ITGA9: variants seen among roughly 807,000 people sequenced by gnomAD.
The protein encoded by ITGA9 is integrin alpha-9.
Under a neutral mutation model 127.8 loss-of-function variants are expected in ITGA9, and 56 were observed. The ratio of observed to expected loss-of-function variants is 0.44; its 90% CI spans 0.35 to 0.55. The LOEUF is 0.55. Ranked by LOEUF, ITGA9 falls within the 20% of genes least tolerant of loss-of-function variation. The pLI is 0.00. For synonymous variants in ITGA9, 508 were observed against 514.5 expected, an observed-to-expected ratio of 0.99 and a Z score of 0.17; for missense variants, 1,196 against 1,347.1, an observed-to-expected ratio of 0.89 and a Z score of 1.76.
At chr3:37,807,870 C>T (rs1232783087) in intron 27 of ITGA9, 1 of 152,246 alleles carries the variant, frequency 6.6e-6, no homozygotes, top group Non-Finnish European at 1.5e-5. Flanking sequence ...GAATAGCTGT[C>T]TCTCCTTAAG....
intron 15 of ITGA9, among the ~76,000 whole-genome samples, chr3:37,623,522 C>T (rs1366900831): frequency 6.6e-6 from 1 of 152,244 alleles, no homozygotes; most frequent in African/African-American, 2.4e-5. Context: ...CCTCCACATT[C>T]TTTCCTTCTC....
intron 15 of ITGA9, among the ~76,000 whole-genome samples, chr3:37,551,592 T>A (rs1559534588): frequency 6.6e-6 from 1 of 152,226 alleles, no homozygotes; most frequent in East Asian, 1.9e-4. Context: ...GTGTCACTAT[T>A]CTTTCCTTTG....
In ITGA9 at chr3:37,577,057, G is replaced by A. The variant is rs377670854; in HGVS notation, c.1689+34472G>A. ...CCCCTCAGGACCCATCCTTGGGGTC[G>A]TCCAGTCCTTGGGCTCTGTTCCTCT... On this transcript the variant is annotated intron_variant, in intron 15 of 27. Transcript: ENST00000264741. Among the ~76,000 whole-genome samples the A allele has an allele frequency of 3.5e-3, 537 of 152,336 alleles. 2 individuals carry two copies. Among genetic ancestry groups the A allele is most frequent in the Middle Eastern group, 0.017 (5 of 294 alleles).
chr3:37,717,938 T>G (rs2125682065), intron 18 of ITGA9, among the ~76,000 whole-genome samples: 1 of 152,280 alleles, frequency 6.6e-6, no homozygotes, highest in East Asian at 1.9e-4. Flanking sequence ...GGGGTGGGAA[T>G]GGGGACAGCC....
chr3:37,662,116 CA>C (rs1017413455), intron 17 of ITGA9, among the ~76,000 whole-genome samples: 9 of 152,168 alleles, frequency 5.9e-5, no homozygotes, highest in Non-Finnish European at 1.3e-4. Context: ...AGAATACAGC[CA>C]GGGGGCCAGG....
At position 37,629,494 on chromosome 3, in the gene ITGA9, GATAAA is replaced by G. The variant is rs147632699; in HGVS notation, c.1839+164_1839+168del. 141,806 of 760,298 alleles carry G rather than the reference GATAAA, an allele frequency of 0.19. 13,798 individuals carry two copies. Among genetic ancestry groups the G allele is most frequent in the East Asian group, 0.22 (8,158 of 37,398 alleles). 47.1% of individuals were successfully genotyped at this position (760,298 alleles called of 1,614,324 possible). Reference sequence around the variant, plus strand: ...GTCTCCCTTTTCTGATCTGCAAAATGATAAAATAAACAGTCTTAGGGGTTACTTGT... The same window carrying G: ...GTCTCCCTTTTCTGATCTGCAAAATGATAAACAGTCTTAGGGGTTACTTGT... On this transcript the variant is annotated intron_variant, in intron 16 of 27. Transcript: ENST00000264741. This position sits in a 1 kb window ranked among gnomAD's most constrained non-coding sequence, Gnocchi z 4.5.
At position 37,523,429 on chromosome 3, in the gene ITGA9, G is replaced by A. The variant is rs1699063738; in HGVS notation, c.1237-92G>A. 6 of 975,348 alleles carry A rather than the reference G, an allele frequency of 6.2e-6. No individual in the cohort carries two copies. The South Asian group carries it at 7.8e-5, about 13-fold the overall frequency. 60.4% of individuals were successfully genotyped at this position (975,348 alleles called of 1,614,324 possible). On this transcript the variant is annotated intron_variant, in intron 11 of 27. Transcript: ENST00000264741. ...TTTCTTTCAACAACTTTAAGACCAA[G>A]TGTCCTAGGGAAGCTGGAATAAAGC...
intron 18 of ITGA9, among the ~76,000 whole-genome samples, chr3:37,708,695 G>T (rs374866588): frequency 3.1e-4 from 2 of 6,504 alleles, no homozygotes; most frequent in East Asian, 5.4e-3. Flanking sequence ...GAATTATCCA[G>T]CCCCAATGCC....
chr3:37,659,144 G>A (rs1700508533), intron 17 of ITGA9, among the ~76,000 whole-genome samples: 2 of 152,208 alleles, frequency 1.3e-5, no homozygotes, highest in South Asian at 4.2e-4. Context: ...TGAATCTGAT[G>A]ATTATGTGTC....
At chr3:37,539,141 T>C (rs930077344) in intron 14 of ITGA9, among the ~76,000 whole-genome samples, 1 of 152,200 alleles carries the variant, frequency 6.6e-6, no homozygotes, top group Non-Finnish European at 1.5e-5. Flanking sequence ...GATGAAACTT[T>C]GGAGGAGTAA....
intron 23 of ITGA9, among the ~76,000 whole-genome samples, chr3:37,775,485 T>C (rs1014121143): frequency 6.6e-6 from 1 of 151,050 alleles, no homozygotes; most frequent in Non-Finnish European, 1.5e-5. Context: ...CTACTAAAAA[T>C]ACAAAAAAAA....
intron 17 of ITGA9, among the ~76,000 whole-genome samples, chr3:37,665,430 TGTTTGCC>T (rs1438524513): frequency 6.6e-6 from 1 of 152,118 alleles, no homozygotes; most frequent in Non-Finnish European, 1.5e-5. Context: ...TCAGAACAAG[TGTTTGCC>T]GTTTCTCTGA....
intron 26 of ITGA9, among the ~76,000 whole-genome samples, chr3:37,795,653 G>A (rs191265788): frequency 7.9e-5 from 12 of 152,170 alleles, no homozygotes; most frequent in Admixed American, 2.6e-4. Flanking sequence ...GCCAGGGTCC[G>A]CACCAGGCCA....
chr3:37,540,837 A>C (rs1699258471), intron 14 of ITGA9, among the ~76,000 whole-genome samples: 1 of 152,192 alleles, frequency 6.6e-6, no homozygotes, highest in South Asian at 2.1e-4. Context: ...TTTTCTTCTT[A>C]ATAATGGCAC....
At chr3:37,702,874 G>A (rs199511079) in intron 18 of ITGA9, among the ~76,000 whole-genome samples, 4 of 152,000 alleles carry the variant, frequency 2.6e-5, no homozygotes, top group Admixed American at 6.6e-5. Flanking sequence ...TGAGAATTCC[G>A]TTGACACTCA....
chr3:37,465,951 G>A (rs1396216833), intron 1 of ITGA9, among the ~76,000 whole-genome samples: 1 of 152,086 alleles, frequency 6.6e-6, no homozygotes, highest in African/African-American at 2.4e-5. Context: ...TTTGACTACT[G>A]GGGTGCGTGC....
chr3:37,513,862 G>T lies in ITGA9; in HGVS notation c.997G>T (p.Asp333Tyr). The change falls in exon 9 of 28, where the codon GAT becomes TAT. Residue 333 changes from aspartate (D) to tyrosine (Y), a missense_variant. Asp to Tyr is a radical substitution (Grantham distance 160). Transcript: ENST00000264741. ...GGCCCCCATGTTTTCTGAGATCAGG[G>T]ATGAGGGACAGGTCACTGTCTACAT... ...VGAPMFSEIR[D>Y]EGQVTVYINR... The T allele has an allele frequency of 6.2e-7, 1 of 1,613,794 alleles. No homozygotes were observed.
chr3:37,549,898 G>A (rs1375444120), intron 15 of ITGA9, among the ~76,000 whole-genome samples: 1 of 152,196 alleles, frequency 6.6e-6, no homozygotes, highest in Non-Finnish European at 1.5e-5. Flanking sequence ...AATAATACAG[G>A]AATTAGTATT....
chr3:37,500,443 C>A (rs1204226258), intron 5 of ITGA9, among the ~76,000 whole-genome samples: 1 of 152,196 alleles, frequency 6.6e-6, no homozygotes, highest in Non-Finnish European at 1.5e-5. Flanking sequence ...AAAAAGCAAG[C>A]CTTTCCGGCG....
Sources: allele counts gnomAD v4.1 joint callset (sites outside exome capture counted in the v4.1 genomes callset), GRCh38; gene constraint gnomAD v4.1.1; non-coding constraint Gnocchi (gnomAD v3.1); transcripts MANE v1.5; gene names NCBI Gene and HGNC (gene_info 2026-07-23, HGNC 2026-07-21).